Variants in CLASP1 observed in about 807,000 individuals in gnomAD.
The protein encoded by CLASP1 is cytoplasmic linker associated protein 1.
A neutral mutation model predicts 192.3 loss-of-function variants in CLASP1; 38 were observed. The observed-to-expected ratio is 0.20, with a 90% confidence interval of 0.15 to 0.26. The LOEUF is 0.26. Among genes scored for constraint, CLASP1 ranks in the 10% least tolerant of loss-of-function variants. The probability of loss-of-function intolerance (pLI) is 1.00; values close to 1 mark genes in which losing one functional copy is unlikely to be tolerated. For synonymous variants in CLASP1, 691 were observed against 712.8 expected (o/e 0.97, Z 0.49); for missense variants, 1,433 against 1,932.5 (o/e 0.74, Z 4.85).
chr2:121,376,641 C>G (rs150029473), intron 34 of CLASP1, among the ~76,000 whole-genome samples: 130 of 152,268 alleles, frequency 8.5e-4, no homozygotes, highest in Non-Finnish European at 1.4e-3. Context: ...AGACCATAGA[C>G]TGGTATTGGT....
At chr2:121,499,833 T>C (rs57344887) in intron 8 of CLASP1, among the ~76,000 whole-genome samples, 5,820 of 151,160 alleles carry the variant, frequency 0.039, 155 homozygotes, top group East Asian at 0.14. Flanking sequence ...AAAGATAAGA[T>C]AAACAGAAGT....
chr2:121,459,026 G>A (rs1048429592), intron 12 of CLASP1, 51 bp from the exon 13 acceptor site: 1 of 1,440,232 alleles, frequency 6.9e-7, no homozygotes, highest in African/African-American at 1.4e-5. Context: ...TAGAGACAGT[G>A]AAGCATATAA....
intron 26 of CLASP1, among the ~76,000 whole-genome samples, chr2:121,403,166 G>A (rs986924103): frequency 3.9e-5 from 6 of 152,132 alleles, no homozygotes; most frequent in African/African-American, 1.4e-4. Flanking sequence ...TGACTTTGCT[G>A]TGAGGGTCAC....
At chr2:121,640,076 C>T (rs1471826751) in intron 1 of CLASP1, among the ~76,000 whole-genome samples, 3 of 151,994 alleles carry the variant, frequency 2.0e-5, no homozygotes, top group South Asian at 2.1e-4. Context: ...TGTAGGGACA[C>T]GGATGAAGCT....
chr2:121,600,282 A>G (rs998747442), intron 2 of CLASP1, among the ~76,000 whole-genome samples: 4 of 152,208 alleles, frequency 2.6e-5, no homozygotes, highest in African/African-American at 9.7e-5. Context: ...ACAAACCATA[A>G]GACATAGCCC....
intron 8 of CLASP1, among the ~76,000 whole-genome samples, chr2:121,477,991 A>G (rs1290878554): frequency 6.6e-6 from 1 of 152,164 alleles, no homozygotes; most frequent in African/African-American, 2.4e-5. Flanking sequence ...GTGTTGTTTA[A>G]TTCTTACTGC....
intron 22 of CLASP1, 145 bp downstream of exon 22, chr2:121,424,994 A>G: frequency 1.4e-6 from 1 of 736,898 alleles, no homozygotes; most frequent in Non-Finnish European, 2.2e-6. Flanking sequence ...ATATGCCATA[A>G]TCTGTATAAA....
At chr2:121,422,052 T>C (rs778400015) in intron 22 of CLASP1, among the ~76,000 whole-genome samples, 10 of 152,194 alleles carry the variant, frequency 6.6e-5, no homozygotes, top group Non-Finnish European at 1.3e-4. Context: ...TATTCCTAGG[T>C]ACCTCTGGGG....
At chr2:121,521,937 T>C (rs1352349562) in intron 6 of CLASP1, among the ~76,000 whole-genome samples, 1 of 152,188 alleles carries the variant, frequency 6.6e-6, no homozygotes, top group Non-Finnish European at 1.5e-5. Context: ...GTTATAATCT[T>C]AACTCTAGAG....
chr2:121,482,949 T>C (rs1290736976), intron 8 of CLASP1, among the ~76,000 whole-genome samples: 1 of 152,196 alleles, frequency 6.6e-6, no homozygotes, highest in Non-Finnish European at 1.5e-5. Flanking sequence ...AGAGAGCTGC[T>C]TCTGCTTCTC....
intron 2 of CLASP1, among the ~76,000 whole-genome samples, chr2:121,579,013 G>C (rs2060851437): frequency 6.6e-6 from 1 of 152,184 alleles, no homozygotes; most frequent in African/African-American, 2.4e-5. Flanking sequence ...TTTAAAGACA[G>C]AATTCAGTCT....
intron 32 of CLASP1, 94 bp from the exon 34 acceptor site, chr2:121,382,418 C>T (rs1278245549): frequency 6.9e-6 from 5 of 720,078 alleles, no homozygotes; most frequent in Non-Finnish European, 9.0e-6. Context: ...GTCTTAGTCT[C>T]TTCTTTCCTT....
intron 2 of CLASP1, among the ~76,000 whole-genome samples, chr2:121,571,230 C>G (rs924097736): frequency 6.6e-6 from 1 of 151,892 alleles, no homozygotes; most frequent in Admixed American, 6.6e-5. Flanking sequence ...GGCTGGAGTA[C>G]AGTAGTGTGA....
intron 6 of CLASP1, among the ~76,000 whole-genome samples, chr2:121,517,577 G>A (rs78368732): frequency 0.035 from 5,310 of 152,230 alleles, 156 homozygotes; most frequent in East Asian, 0.14. Flanking sequence ...ATTAAGGGCC[G>A]AGCATGGTGG....
chr2:121,427,298 T>G, intron 21 of CLASP1, 106 bp downstream of exon 21: 1 of 1,348,148 alleles, frequency 7.4e-7, no homozygotes. Context: ...AAAGATTAAC[T>G]AAGCTTACAA....
intron 8 of CLASP1, among the ~76,000 whole-genome samples, chr2:121,478,931 A>C (rs1471338768): frequency 3.4e-4 from 2 of 5,904 alleles, no homozygotes; most frequent in Non-Finnish European, 7.7e-4. Flanking sequence ...CACACCACAC[A>C]ACACCCCCCA....
intron 37 of CLASP1, among the ~76,000 whole-genome samples, chr2:121,359,521 A>C (rs1460792266): frequency 6.6e-6 from 1 of 152,218 alleles, no homozygotes; most frequent in Non-Finnish European, 1.5e-5. Flanking sequence ...TAATATAAGA[A>C]GAGTTCAAAT....
At chr2:121,632,899 A>G (rs111466256) in intron 1 of CLASP1, among the ~76,000 whole-genome samples, 58 of 120,776 alleles carry the variant, frequency 4.8e-4, no homozygotes, top group African/African-American at 1.1e-3. Flanking sequence ...TCCATCTCAG[A>G]AAAAAAAAAA....
At chr2:121,507,112 C>T (rs2093968669) in intron 7 of CLASP1, among the ~76,000 whole-genome samples, 1 of 152,138 alleles carries the variant, frequency 6.6e-6, no homozygotes, top group African/African-American at 2.4e-5. Context: ...GACACCTATA[C>T]ATTGCCTTAA....
Sources: gnomAD v4.1 joint callset for allele counts (sites outside exome capture counted in the v4.1 genomes callset) on GRCh38, gnomAD v4.1.1 for gene constraint, MANE v1.5 for transcripts, NCBI Gene and HGNC (gene_info 2026-07-23, HGNC 2026-07-21) for gene names.